The following CDH3 variants were observed in gnomAD, a reference collection of about 807,000 sequenced individuals.
The protein encoded by CDH3 is cadherin-3.
Under a neutral mutation model 82.0 loss-of-function variants are expected in CDH3, and 54 were observed. The ratio of observed to expected loss-of-function variants is 0.66; its 90% CI spans 0.53 to 0.83. CDH3 has a LOEUF of 0.83. CDH3 is among the 40% of genes least tolerant of loss of function. CDH3 has a pLI of 0.00. For missense variants in CDH3, 1,054 were observed against 1,084.6 expected (o/e 0.97, Z 0.40); for synonymous variants, 446 against 437.9 (o/e 1.02, Z -0.23).
chr16:68,725,589 T>A (rs1403076082), intron 2 of CDH3, among the ~76,000 whole-genome samples: 1 of 151,968 alleles, frequency 6.6e-6, no homozygotes, highest in Non-Finnish European at 1.5e-5. Context: ...CGCCTTGGCC[T>A]CCCAAAGTGC....
chr16:68,684,737 T>C lies in CDH3; in HGVS notation c.1337T>C (p.Val446Ala). 5 of 1,614,130 alleles carry C rather than the reference T, an allele frequency of 3.1e-6. No homozygotes were observed. The highest frequency in any genetic ancestry group is 3.4e-6 in the Non-Finnish European group (4 of 1,180,014). ...CCTGTGTTTGTCCCACCCTCCAAAG[T>C]CGTTGAGGTCCAGGAGGGCATCCCC... ...EAPVFVPPSK[V>A]VEVQEGIPTG... The change falls in exon 10 of 16, where the codon GTC becomes GCC. Residue 446 changes from valine to alanine, a missense_variant. Physicochemically the swap from Val to Ala is moderately conservative, Grantham distance 64. Coordinates refer to ENST00000264012, the MANE Select transcript of CDH3 (RefSeq NM_001793.6).
At chr16:68,728,555 CAA>C (rs199543474), downstream of CDH3, among the ~76,000 whole-genome samples, 17,438 of 151,702 alleles carry the variant, frequency 0.11, 1,002 homozygotes, top group Middle Eastern at 0.15. Context: ...CTCAGCCTCC[CAA>C]AGTGATGGGA....
chr16:68,726,456 T>G (rs1962220048), intron 2 of CDH3, among the ~76,000 whole-genome samples: 1 of 152,060 alleles, frequency 6.6e-6, no homozygotes, highest in African/African-American at 2.4e-5. Context: ...GGTTTGCCAC[T>G]CAGTTCAAAT....
chr16:68,694,241 A>G (rs1961647172), intron 13 of CDH3, among the ~76,000 whole-genome samples: 1 of 147,632 alleles, frequency 6.8e-6, no homozygotes, highest in African/African-American at 2.5e-5. Context: ...TGAACCTGGG[A>G]GGCAGAGGTT....
At chr16:68,672,211 A>AATAC (rs1960903545) in intron 2 of CDH3, among the ~76,000 whole-genome samples, 2 of 150,036 alleles carry the variant, frequency 1.3e-5, no homozygotes, top group Non-Finnish European at 1.5e-5. Context: ...AAAATAAATA[A>AATAC]ATAAAAAATA....
At position 68,649,804 on chromosome 16, in the gene CDH3, C is replaced by T. The variant is rs1022183526; in HGVS notation, c.160+4054C>T. On this transcript the variant is annotated intron_variant, in intron 2 of 15. Transcript: ENST00000264012. ...ATCCCAGCACTTTGGGAGGCTGAGGCGGGCAGATCACATGAGGCCAGGAGT... is the reference window on the plus strand; with the variant it reads ...ATCCCAGCACTTTGGGAGGCTGAGGTGGGCAGATCACATGAGGCCAGGAGT... 2.6e-5 allele frequency among the ~76,000 whole-genome samples: 4 copies of T among 152,056 alleles called. 1 individual carries two copies. The South Asian group carries it at 6.2e-4, about 24-fold the overall frequency.
chr16:68,679,043 C>G (rs986675453), intron 6 of CDH3, 137 bp downstream of exon 6: 2 of 861,300 alleles, frequency 2.3e-6, no homozygotes, highest in African/African-American at 3.4e-5. Flanking sequence ...TTCCCCCCTT[C>G]CATCCCAAGG....
chr16:68,682,299 C>T lies in CDH3; in HGVS notation c.997-3C>T, dbSNP rs1436496712. 6.2e-7 allele frequency: 1 copy of T among 1,613,450 alleles called. No individual in the cohort carries two copies. The highest frequency in any genetic ancestry group is 8.5e-7 in the Non-Finnish European group (1 of 1,179,828). On this transcript the variant is annotated splice_polypyrimidine_tract_variant and splice_region_variant and intron_variant, in intron 8 of 15. Coordinates refer to ENST00000264012, the MANE Select transcript of CDH3 (RefSeq NM_001793.6). ...GATAGTGCTGTGCTTCTCACACTGA[C>T]AGTACGAGGCCCATGTGCCTGAGAA...
intron 2 of CDH3, among the ~76,000 whole-genome samples, chr16:68,725,478 C>T (rs542607451): frequency 2.4e-3 from 371 of 151,988 alleles, no homozygotes; most frequent in Middle Eastern, 6.8e-3. Context: ...GGACTACAGG[C>T]GCCCGCCACC....
At position 68,693,227 on chromosome 16, in the gene CDH3, A is replaced by T. The variant is rs7201437; in HGVS notation, c.2002+1301A>T. On this transcript the variant is annotated intron_variant, in intron 13 of 15. Coordinates refer to ENST00000264012, the MANE Select transcript of CDH3 (RefSeq NM_001793.6). ...CTGGGTAGAACTGAAAGTTATCAGA[A>T]GGTTTTGAGCAGAGGGGTGATGTGA... Among the ~76,000 whole-genome samples, 4 of 152,126 alleles carry T rather than the reference A, an allele frequency of 2.6e-5. No homozygotes were observed. In the East Asian group the frequency reaches 5.8e-4, roughly 22 times the overall value.
intron 12 of CDH3, among the ~76,000 whole-genome samples, chr16:68,689,495 C>T (rs2152104580): frequency 6.6e-6 from 1 of 151,752 alleles, no homozygotes; most frequent in South Asian, 2.1e-4. Context: ...AAGATCGCGC[C>T]ACTGCACTCC....
At chr16:68,724,586 C>T (rs1372342403) in intron 2 of CDH3, among the ~76,000 whole-genome samples, 1 of 151,742 alleles carries the variant, frequency 6.6e-6, no homozygotes, top group Non-Finnish European at 1.5e-5. Context: ...ATGATCCCAC[C>T]ACTGCATTCC....
chr16:68,727,513 C>T (rs900394084), downstream of CDH3, among the ~76,000 whole-genome samples: 2 of 152,110 alleles, frequency 1.3e-5, no homozygotes, highest in Non-Finnish European at 2.9e-5. Context: ...AAAATGGTCA[C>T]GCCTGTAGAC....
At chr16:68,700,743 A>G (rs1326749386), downstream of CDH3, among the ~76,000 whole-genome samples, 1 of 152,196 alleles carries the variant, frequency 6.6e-6, no homozygotes, top group Non-Finnish European at 1.5e-5. Context: ...AATCCCAGCT[A>G]CTTGGGAAAC....
chr16:68,723,050 C>CTT (rs61216517), intron 2 of CDH3, among the ~76,000 whole-genome samples: 123 of 145,562 alleles, frequency 8.5e-4, no homozygotes, highest in African/African-American at 2.8e-3. Flanking sequence ...GCCTCTATTA[C>CTT]TTTTTTTTTT....
intron 1 of CDH3, among the ~76,000 whole-genome samples, chr16:68,721,237 T>A (rs1470797752): frequency 2.0e-5 from 3 of 147,942 alleles, no homozygotes; most frequent in African/African-American, 7.5e-5. Context: ...GTCTTTTTTT[T>A]TTTTTTTTTT....
downstream of CDH3, among the ~76,000 whole-genome samples, chr16:68,731,403 T>TAC (rs2152112497): frequency 4.0e-5 from 2 of 49,676 alleles, no homozygotes; most frequent in South Asian, 1.1e-3. Flanking sequence ...AAAATATATA[T>TAC]ATATATATAT....
intron 2 of CDH3, among the ~76,000 whole-genome samples, chr16:68,660,595 TAAACTC>T (rs1960537927): frequency 3.3e-5 from 5 of 152,334 alleles, no homozygotes; most frequent in Admixed American, 1.3e-4. Context: ...GTTTTTTTCT[TAAACTC>T]AAATATTGCT....
At chr16:68,714,586 C>T (rs1567463812) in intron 1 of CDH3, among the ~76,000 whole-genome samples, 1 of 152,318 alleles carries the variant, frequency 6.6e-6, no homozygotes, top group African/African-American at 2.4e-5. Flanking sequence ...GTAATTGTCT[C>T]TTTACCTGTC....
Sources: gnomAD v4.1 joint callset for allele counts (sites outside exome capture counted in the v4.1 genomes callset) on GRCh38, gnomAD v4.1.1 for gene constraint, MANE v1.5 for transcripts, NCBI Gene and HGNC (gene_info 2026-07-23, HGNC 2026-07-21) for gene names.